MND1: variants seen among roughly 807,000 people sequenced by gnomAD.
MND1 encodes the protein meiotic nuclear divisions 1.
A neutral mutation model predicts 35.1 loss-of-function variants in MND1; 28 were observed. That is an observed-to-expected ratio of 0.80 (90% confidence interval 0.59 to 1.09). MND1 has a LOEUF of 1.09. MND1 is among the 50% of genes least tolerant of loss of function. The pLI is 0.00. For missense variants in MND1, 213 were observed against 239.6 expected (o/e 0.89, Z 0.73); for synonymous variants, 69 against 70.5 (o/e 0.98, Z 0.11).
At chr4:153,348,302 A>G (rs1200799703) in intron 1 of MND1, among the ~76,000 whole-genome samples, 1 of 152,166 alleles carries the variant, frequency 6.6e-6, no homozygotes, top group Non-Finnish European at 1.5e-5. Flanking sequence ...TAGAACAGCA[A>G]GTTTGTGGGG....
chr4:153,352,483 T>TA (rs1217131557), intron 2 of MND1, among the ~76,000 whole-genome samples: 2 of 152,152 alleles, frequency 1.3e-5, no homozygotes, highest in African/African-American at 4.8e-5. Flanking sequence ...CTTCATCTCT[T>TA]AAAGAAGATG....
chr4:153,353,008 C>G (rs993423245), intron 2 of MND1, among the ~76,000 whole-genome samples: 3 of 152,112 alleles, frequency 2.0e-5, no homozygotes, highest in African/African-American at 7.2e-5. Flanking sequence ...ACATCTGGAG[C>G]TCTTCCTTGG....
At chr4:153,383,320 A>G (rs1006199354) in intron 4 of MND1, among the ~76,000 whole-genome samples, 1 of 152,194 alleles carries the variant, frequency 6.6e-6, no homozygotes, top group African/African-American at 2.4e-5. Context: ...GGATGGTGAG[A>G]GGTGGAATGT....
Position 153,412,578 on chromosome 4 carries a change from G to A in MND1, c.512-2173G>A, listed in dbSNP as rs145081390. 7.9e-3 allele frequency among the ~76,000 whole-genome samples: 1,190 copies of A among 151,516 alleles called. 15 individuals are homozygous for A. Among genetic ancestry groups the A allele is most frequent in the African/African-American group, 0.027 (1,110 of 41,270 alleles). On this transcript the variant is annotated intron_variant, in intron 7 of 7. Transcript: ENST00000240488. The stretch of plus-strand genomic sequence containing the variant: ...GCTCATCGCAACCTCCACCTCCCTG[G>A]TTCAAGCAATTTCCCTGCCTCAGCC...
chr4:153,381,875 C>A (rs1728717690), intron 4 of MND1: 4 of 150,360 alleles, frequency 2.7e-5, no homozygotes. Flanking sequence ...GGTCCCCACT[C>A]CCAGGAGGTC....
In MND1 at chr4:153,414,755, CAT is replaced by C. The variant is rs774269133; in HGVS notation, c.519_520del (p.Phe174ArgfsTer13). 1 of 1,384,770 alleles carries C rather than the reference CAT, an allele frequency of 7.2e-7. No homozygotes were observed. Among genetic ancestry groups the C allele is most frequent in the Non-Finnish European group, 1.0e-6 (1 of 1,001,892 alleles). The allele number at this position is 1,384,770 out of a possible 1,614,324, so 85.8% of individuals were successfully genotyped here. Reference protein sequence around the residue: ...KEAANRWTDNIFAIKSWAKRK... With the variant: ...KEAANRWTDNXFAIKSWAKRK... Reference sequence around the variant, plus strand: ...ATTTCTCAATTTTCTTTATAGATAACATATTCGCAATAAAATCTTGGGCCAAA... The same window carrying C: ...ATTTCTCAATTTTCTTTATAGATAACATTCGCAATAAAATCTTGGGCCAAA... On this transcript the variant is annotated frameshift_variant, in exon 8 of 8. Transcript: ENST00000240488. LOFTEE classifies it high-confidence loss of function.
In MND1 at chr4:153,381,692, ATTTTTTTTTTTTT is replaced by A. The variant is rs765943574; in HGVS notation, c.277-12551_277-12539del. 159 of 17,396 alleles carry A rather than the reference ATTTTTTTTTTTTT, an allele frequency of 9.1e-3. 6 individuals are homozygous for A. The highest frequency in any genetic ancestry group is 0.013 in the Non-Finnish European group (126 of 9,524). 1.1% of individuals were successfully genotyped at this position (17,396 alleles called of 1,614,324 possible). On this transcript the variant is annotated intron_variant, in intron 4 of 7. Coordinates refer to ENST00000240488, the MANE Select transcript of MND1 (RefSeq NM_032117.4). ...AATATATATATATATATATATATAT[ATTTTTTTTTTTTT>A]TTTTTTTTTTTTTTTTTTAAGAGAT...
At chr4:153,356,697 T>G (rs1773352291) in intron 3 of MND1, among the ~76,000 whole-genome samples, 2 of 152,180 alleles carry the variant, frequency 1.3e-5, no homozygotes, top group South Asian at 4.1e-4. Context: ...AATTTGGTAG[T>G]CAAGTCATGT....
chr4:153,357,128 A>T (rs1423980054), intron 3 of MND1, among the ~76,000 whole-genome samples: 1 of 152,172 alleles, frequency 6.6e-6, no homozygotes, highest in African/African-American at 2.4e-5. Flanking sequence ...TATTTTATAG[A>T]TGCACATTGA....
chr4:153,356,205 A>C (rs1773334494), intron 3 of MND1, among the ~76,000 whole-genome samples: 1 of 152,046 alleles, frequency 6.6e-6, no homozygotes, highest in South Asian at 2.1e-4. Flanking sequence ...ATCCTTCTAC[A>C]TATCTATTAT....
intron 4 of MND1, chr4:153,381,614 A>C (rs1388496348): frequency 7.9e-6 from 1 of 126,852 alleles, no homozygotes; most frequent in East Asian, 2.3e-4. Context: ...TAAATTTTAA[A>C]ATTTCAGTAT....
chr4:153,412,019 C>T (rs1371456442), intron 7 of MND1, among the ~76,000 whole-genome samples: 3 of 152,248 alleles, frequency 2.0e-5, no homozygotes, highest in Admixed American at 6.5e-5. Flanking sequence ...TAAAAATTAT[C>T]CTAGAATATC....
chr4:153,379,871 A>C (rs1728622282), intron 4 of MND1, among the ~76,000 whole-genome samples: 2 of 150,702 alleles, frequency 1.3e-5, no homozygotes, highest in South Asian at 4.2e-4. Context: ...AAAAAAAAAA[A>C]AAAAATCAGG....
At chr4:153,373,868 A>G (rs1390475946) in intron 4 of MND1, among the ~76,000 whole-genome samples, 1 of 152,180 alleles carries the variant, frequency 6.6e-6, no homozygotes, top group Non-Finnish European at 1.5e-5. Context: ...ACCTAAACCT[A>G]CTTTAATCTT....
chr4:153,393,461 C>A (rs1729104703), intron 4 of MND1, among the ~76,000 whole-genome samples: 1 of 150,872 alleles, frequency 6.6e-6, no homozygotes, highest in South Asian at 2.1e-4. Context: ...GCCTGAAGCT[C>A]CCAGGCTCAA....
chr4:153,346,101 GAAAT>G (rs1214533540), intron 1 of MND1, among the ~76,000 whole-genome samples: 2 of 152,334 alleles, frequency 1.3e-5, no homozygotes, highest in East Asian at 1.9e-4. Flanking sequence ...ATGTGATCGA[GAAAT>G]AAATTTAGTG....
At chr4:153,362,304 A>G (rs1773515584) in intron 4 of MND1, among the ~76,000 whole-genome samples, 1 of 152,142 alleles carries the variant, frequency 6.6e-6, no homozygotes, top group Non-Finnish European at 1.5e-5. Flanking sequence ...GCCTGATGGC[A>G]AGTGATTGGA....
In MND1 at chr4:153,405,991, GA is replaced by G. The variant is rs760216408; in HGVS notation, c.467-2979del. On this transcript the variant is annotated intron_variant, in intron 6 of 7. Coordinates refer to ENST00000240488, the MANE Select transcript of MND1 (RefSeq NM_032117.4). ...GCTAATTTTTTACATTTTTAGTAGA[GA>G]GGGAGTTTCACCGTGTTAGCCAGGA... is the stretch of plus-strand genomic sequence containing the variant. Among the ~76,000 whole-genome samples the G allele has an allele frequency of 1.5e-4, 23 of 152,020 alleles. 1 individual carries two copies. Among genetic ancestry groups the G allele is most frequent in the African/African-American group, 5.5e-4 (23 of 41,516 alleles).
chr4:153,393,919 G>GTTTTCTTTTTTT (rs1729121595), intron 4 of MND1, among the ~76,000 whole-genome samples: 1 of 55,578 alleles, frequency 1.8e-5, no homozygotes, highest in African/African-American at 7.9e-5. Context: ...GTTTGACTTT[G>GTTTTCTTTTTTT]TTTTCTTTTT....
Sources: allele counts gnomAD v4.1 joint callset (sites outside exome capture counted in the v4.1 genomes callset), GRCh38; gene constraint gnomAD v4.1.1; transcripts MANE v1.5; gene names NCBI Gene and HGNC (gene_info 2026-07-23, HGNC 2026-07-21).